Variants in STAG1 observed in about 807,000 individuals in gnomAD.
STAG1 encodes the protein STAG1 cohesin complex component, also known as cohesin subunit SA-1.
In STAG1, 26 loss-of-function variants were observed where a neutral mutation model predicts 170.9. The ratio of observed to expected loss-of-function variants is 0.15; its 90% CI spans 0.11 to 0.21. The LOEUF (loss-of-function observed/expected upper bound fraction) is 0.21, where lower values mean the gene tolerates loss of function less well. Among genes scored for constraint, STAG1 ranks in the 10% least tolerant of loss-of-function variants. The pLI is 1.00. For synonymous variants in STAG1, 514 were observed against 497.7 expected, an observed-to-expected ratio of 1.03 and a Z score of -0.44; for missense variants, 964 against 1,509.5, an observed-to-expected ratio of 0.64 and a Z score of 5.99.
intron 3 of STAG1, among the ~76,000 whole-genome samples, chr3:136,621,507 C>T (rs1170548205): frequency 6.6e-6 from 1 of 152,200 alleles, no homozygotes; most frequent in East Asian, 1.9e-4. Context: ...GTGCAAAACT[C>T]TCACTTTTCC....
At chr3:136,348,866 T>G (rs1936332675) in intron 29 of STAG1, 1 of 346,368 alleles carries the variant, frequency 2.9e-6, no homozygotes, top group East Asian at 6.4e-5. Context: ...TTACTTTATA[T>G]TTTAATGTAT....
chr3:136,486,508 C>T (rs2090015585), intron 9 of STAG1, among the ~76,000 whole-genome samples: 1 of 152,182 alleles, frequency 6.6e-6, no homozygotes, highest in African/African-American at 2.4e-5. Flanking sequence ...CTCTTTCAGT[C>T]CTACCAAGTA....
At chr3:136,395,010 G>A (rs1366125106) in intron 22 of STAG1, among the ~76,000 whole-genome samples, 1 of 151,248 alleles carries the variant, frequency 6.6e-6, no homozygotes, top group African/African-American at 2.4e-5. Context: ...TACTTCAGGG[G>A]CTGAGGTGGG....
chr3:136,673,930 C>G (rs948478531), intron 1 of STAG1, among the ~76,000 whole-genome samples: 1 of 151,614 alleles, frequency 6.6e-6, no homozygotes, highest in Non-Finnish European at 1.5e-5. Flanking sequence ...TGGCAAAACC[C>G]CGTCTCTACT....
intron 28 of STAG1, among the ~76,000 whole-genome samples, chr3:136,349,621 T>C (rs911191584): frequency 6.6e-6 from 1 of 152,118 alleles, no homozygotes; most frequent in Non-Finnish European, 1.5e-5. Flanking sequence ...CCTATATTTC[T>C]TCCTTTGCTT....
intron 5 of STAG1, among the ~76,000 whole-genome samples, chr3:136,552,112 A>G (rs1396216514): frequency 6.6e-6 from 1 of 152,200 alleles, no homozygotes; most frequent in African/African-American, 2.4e-5. Context: ...GTCAGCCTAC[A>G]TTTGAAAGCT....
chr3:136,560,561 T>A (rs1049279851), intron 5 of STAG1, among the ~76,000 whole-genome samples: 1 of 152,234 alleles, frequency 6.6e-6, no homozygotes, highest in African/African-American at 2.4e-5. Context: ...AAATCAACTT[T>A]ACCTTTGCAT....
chr3:136,679,633 G>A (rs1942265271), intron 1 of STAG1, among the ~76,000 whole-genome samples: 1 of 151,934 alleles, frequency 6.6e-6, no homozygotes, highest in African/African-American at 2.4e-5. Context: ...GGAGGCTGAT[G>A]CAGGAGAATG....
intron 4 of STAG1, among the ~76,000 whole-genome samples, chr3:136,591,249 G>A (rs1352857767): frequency 1.5e-5 from 2 of 135,086 alleles, no homozygotes; most frequent in Non-Finnish European, 3.2e-5. Flanking sequence ...GGGAGGGAGG[G>A]AGGAAGGGAG....
At chr3:136,668,234 AAT>A (rs140311530) in intron 1 of STAG1, among the ~76,000 whole-genome samples, 13 of 147,764 alleles carry the variant, frequency 8.8e-5, no homozygotes, top group Admixed American at 1.4e-4. Context: ...GACTGTCTCA[AAT>A]ATATATATAT....
chr3:136,623,978 T>C (rs1226521946), intron 2 of STAG1, among the ~76,000 whole-genome samples: 7 of 151,830 alleles, frequency 4.6e-5, no homozygotes, highest in Non-Finnish European at 7.4e-5. Context: ...AAAAAAGACA[T>C]AAAGGATACT....
intron 9 of STAG1, among the ~76,000 whole-genome samples, chr3:136,492,006 C>CA (rs1485841223): frequency 6.6e-6 from 1 of 151,788 alleles, no homozygotes; most frequent in Non-Finnish European, 1.5e-5. Flanking sequence ...CAAAACAAAA[C>CA]AAAAAAACAA....
At chr3:136,381,402 GA>G (rs1374595698) in intron 22 of STAG1, among the ~76,000 whole-genome samples, 2 of 152,122 alleles carry the variant, frequency 1.3e-5, no homozygotes, top group African/African-American at 4.8e-5. Flanking sequence ...CCGGAGGTAA[GA>G]AAACATTAAA....
At chr3:136,528,851 G>C (rs1246430204) in intron 6 of STAG1, among the ~76,000 whole-genome samples, 2 of 151,716 alleles carry the variant, frequency 1.3e-5, no homozygotes, top group Admixed American at 6.6e-5. Context: ...AATCACTTGA[G>C]CCCAGGAGGC....
chr3:136,566,500 T>C (rs1188236207), intron 5 of STAG1, among the ~76,000 whole-genome samples: 2 of 152,230 alleles, frequency 1.3e-5, no homozygotes, highest in Admixed American at 6.5e-5. Context: ...ATGCCCTAAA[T>C]GCTACTGAAT....
intron 14 of STAG1, among the ~76,000 whole-genome samples, chr3:136,446,975 T>A (rs1449905331): frequency 6.6e-6 from 1 of 150,860 alleles, no homozygotes; most frequent in Non-Finnish European, 1.5e-5. Context: ...TGCTAATTTT[T>A]GTATTTTTAG....
At chr3:136,534,545 C>T (rs561472773) in intron 6 of STAG1, among the ~76,000 whole-genome samples, 28 of 151,202 alleles carry the variant, frequency 1.9e-4, no homozygotes, top group East Asian at 3.9e-4. Context: ...ATAAACAACT[C>T]AACAATGAAA....
intron 23 of STAG1, among the ~76,000 whole-genome samples, chr3:136,371,680 A>G: frequency 6.6e-6 from 1 of 152,032 alleles, no homozygotes; most frequent in Non-Finnish European, 1.5e-5. Context: ...ATGCGGCATT[A>G]TTTCTGAGGG....
chr3:136,611,824 A>C (rs1667686612), intron 3 of STAG1, among the ~76,000 whole-genome samples: 2 of 149,368 alleles, frequency 1.3e-5, no homozygotes, highest in Non-Finnish European at 3.0e-5. Flanking sequence ...TTTAACTGTG[A>C]CCCGTCACAT....
Sources: gnomAD v4.1 joint callset for allele counts (sites outside exome capture counted in the v4.1 genomes callset) on GRCh38, gnomAD v4.1.1 for gene constraint, MANE v1.5 for transcripts, NCBI Gene and HGNC (gene_info 2026-07-23, HGNC 2026-07-21) for gene names.